The following RIMS2 variants were observed in gnomAD, a reference collection of about 807,000 sequenced individuals.
RIMS2 encodes the protein regulating synaptic membrane exocytosis 2.
Under a neutral mutation model 174.4 loss-of-function variants are expected in RIMS2, and 59 were observed. The ratio of observed to expected loss-of-function variants is 0.34; its 90% CI spans 0.27 to 0.42. The LOEUF is 0.42. Ranked by LOEUF, RIMS2 falls within the 10% of genes least tolerant of loss-of-function variation. RIMS2 has a pLI of 1.00. For missense variants in RIMS2, 1,620 were observed against 1,666.3 expected (o/e 0.97, Z 0.48); for synonymous variants, 606 against 572.5 (o/e 1.06, Z -0.84).
At chr8:103,588,584 G>A (rs1368601276) in intron 1 of RIMS2, among the ~76,000 whole-genome samples, 1 of 151,858 alleles carries the variant, frequency 6.6e-6, no homozygotes, top group Non-Finnish European at 1.5e-5. Context: ...GAACACAATA[G>A]AGAACCCAGA....
chr8:103,843,562 T>A (rs2098952549), intron 3 of RIMS2, among the ~76,000 whole-genome samples: 1 of 152,238 alleles, frequency 6.6e-6, no homozygotes, highest in African/African-American at 2.4e-5. Context: ...CTCTTATCCC[T>A]AGGCATATAT....
chr8:104,039,210 G>C (rs1373709956), intron 19 of RIMS2, among the ~76,000 whole-genome samples: 1 of 151,664 alleles, frequency 6.6e-6, no homozygotes, highest in Non-Finnish European at 1.5e-5. Flanking sequence ...CACCATGAGA[G>C]AATTATTTTT....
intron 1 of RIMS2, among the ~76,000 whole-genome samples, chr8:103,607,159 G>T (rs564652447): frequency 5.9e-5 from 9 of 152,130 alleles, no homozygotes; most frequent in South Asian, 4.2e-4. Context: ...CTTTCCATGT[G>T]TAGTGCTTCC....
intron 19 of RIMS2, among the ~76,000 whole-genome samples, chr8:104,142,966 T>C (rs2098598179): frequency 6.6e-6 from 1 of 152,224 alleles, no homozygotes; most frequent in Non-Finnish European, 1.5e-5. Flanking sequence ...AGAATTAGTA[T>C]GAAAAACTCA....
chr8:103,868,040 A>C (rs1040921524), intron 3 of RIMS2, among the ~76,000 whole-genome samples: 1 of 151,890 alleles, frequency 6.6e-6, no homozygotes, highest in Non-Finnish European at 1.5e-5. Flanking sequence ...TTGTTTATTC[A>C]TTCTTTGTTC....
intron 16 of RIMS2, among the ~76,000 whole-genome samples, chr8:103,981,624 A>G (rs1402838274): frequency 6.6e-6 from 1 of 152,208 alleles, no homozygotes; most frequent in African/African-American, 2.4e-5. Flanking sequence ...GAGGGAACTC[A>G]ATGAAATTCT....
In RIMS2 at chr8:104,105,419, AG is replaced by A. The variant is rs1441195645; in HGVS notation, c.3334+90806del. 3.9e-5 allele frequency among the ~76,000 whole-genome samples: 6 copies of A among 152,184 alleles called. No individual in the cohort carries two copies. In the East Asian group the frequency reaches 1.2e-3, roughly 29 times the overall value. ...CCAGGTTTTAGTTAAGACAAGATAA[AG>A]GTTGGTATTGCATTGTGCATAGTGA... On this transcript the variant is annotated intron_variant, in intron 19 of 23. Transcript: ENST00000504942.
At chr8:103,764,277 A>T (rs2098143051) in intron 2 of RIMS2, among the ~76,000 whole-genome samples, 1 of 152,232 alleles carries the variant, frequency 6.6e-6, no homozygotes, top group African/African-American at 2.4e-5. Context: ...GCACAAAGGG[A>T]TGCTCTTCTT....
At chr8:103,687,662 C>T (rs993611156) in intron 1 of RIMS2, among the ~76,000 whole-genome samples, 3 of 152,208 alleles carry the variant, frequency 2.0e-5, no homozygotes, top group African/African-American at 7.2e-5. Flanking sequence ...CAACATCTCC[C>T]TAACCTCCCA....
intron 19 of RIMS2, among the ~76,000 whole-genome samples, chr8:104,073,192 T>G (rs917954796): frequency 6.6e-6 from 1 of 152,190 alleles, no homozygotes; most frequent in Non-Finnish European, 1.5e-5. Context: ...TAAATTGGCA[T>G]AATTATCAAT....
chr8:103,980,058 C>T (rs1011148973), intron 16 of RIMS2, among the ~76,000 whole-genome samples: 11 of 152,102 alleles, frequency 7.2e-5, no homozygotes, highest in African/African-American at 2.7e-4. Context: ...GGCTCAGAGC[C>T]AGAGGACTAG....
At chr8:104,053,330 C>CAA (rs2096819636) in intron 19 of RIMS2, among the ~76,000 whole-genome samples, 1 of 152,086 alleles carries the variant, frequency 6.6e-6, no homozygotes, top group Non-Finnish European at 1.5e-5. Context: ...CCCAGATGCT[C>CAA]AAGTTATATA....
chr8:104,159,006 T>C (rs1302057866), intron 19 of RIMS2, among the ~76,000 whole-genome samples: 2 of 152,334 alleles, frequency 1.3e-5, no homozygotes, highest in African/African-American at 2.4e-5. Flanking sequence ...CTAGGTTTTC[T>C]TCTAGGGTTT....
At chr8:103,827,456 T>G (rs1030146751) in intron 3 of RIMS2, among the ~76,000 whole-genome samples, 2 of 152,226 alleles carry the variant, frequency 1.3e-5, no homozygotes, top group Admixed American at 6.5e-5. Flanking sequence ...TTATTTCTTT[T>G]TATTGCCTTA....
chr8:103,813,251 A>T (rs1592976057), intron 3 of RIMS2, among the ~76,000 whole-genome samples: 1 of 152,160 alleles, frequency 6.6e-6, no homozygotes, highest in Non-Finnish European at 1.5e-5. Context: ...TTGTGTTGTT[A>T]TTAATTCAGA....
chr8:103,603,605 G>T (rs1030539181), intron 1 of RIMS2, among the ~76,000 whole-genome samples: 10 of 151,618 alleles, frequency 6.6e-5, no homozygotes, highest in African/African-American at 1.9e-4. Context: ...CTAGTTTACA[G>T]TCCCACCAAC....
At chr8:103,525,759 C>G (rs890627384) in intron 1 of RIMS2, among the ~76,000 whole-genome samples, 1 of 152,242 alleles carries the variant, frequency 6.6e-6, no homozygotes, top group East Asian at 1.9e-4. Context: ...GCACTATGAT[C>G]TCTTTTAATA....
intron 19 of RIMS2, chr8:104,094,808 C>T (rs2097728097): frequency 1.7e-6 from 1 of 581,352 alleles, no homozygotes; most frequent in Non-Finnish European, 3.0e-6. Flanking sequence ...TTTGCCATTT[C>T]CATTTGCTTT....
chr8:103,921,682 CT>C lies in RIMS2; in HGVS notation c.2097del (p.Phe699LeufsTer17). 1 of 1,421,040 alleles carries C rather than the reference CT, an allele frequency of 7.0e-7. No individual in the cohort carries two copies. Among genetic ancestry groups the C allele is most frequent in the Non-Finnish European group, 1.0e-6 (1 of 1,004,430 alleles). The allele number at this position is 1,421,040 out of a possible 1,614,324, so 88.0% of individuals were successfully genotyped here. A position where few individuals can be genotyped will look rare whatever the true frequency, so the allele number is the denominator to read the frequency against. On this transcript the variant is annotated frameshift_variant, in exon 10 of 24. Transcript: ENST00000504942. LOFTEE classifies it high-confidence loss of function. Reference sequence around the variant, plus strand: ...TAATTATCGTTTCAGGTTCTAGCTCCTTTGAATCTCAAAAAATGGATCGTCC... The same window carrying C: ...TAATTATCGTTTCAGGTTCTAGCTCCTTGAATCTCAAAAAATGGATCGTCC...
Sources: gnomAD v4.1 joint callset for allele counts (sites outside exome capture counted in the v4.1 genomes callset) on GRCh38, gnomAD v4.1.1 for gene constraint, MANE v1.5 for transcripts, NCBI Gene and HGNC (gene_info 2026-07-23, HGNC 2026-07-21) for gene names.